Variants in USP32 observed in about 807,000 individuals in gnomAD.
USP32 encodes the protein ubiquitin carboxyl-terminal hydrolase 32.
USP32 carries 59 observed loss-of-function variants against 204.8 expected under a neutral mutation model. The observed-to-expected ratio is 0.29, with a 90% CI of 0.23 to 0.36. The LOEUF (loss-of-function observed/expected upper bound fraction) is 0.36. Ranked by LOEUF, USP32 falls within the 10% of genes least tolerant of loss-of-function variation. The pLI, the probability that USP32 is intolerant of heterozygous loss-of-function variation, is 1.00. For missense variants in USP32, 1,160 were observed against 1,946.4 expected (o/e 0.60, Z 7.60); for synonymous variants, 517 against 678.4 (o/e 0.76, Z 3.70).
chr17:60,286,136 CAAAAAAAAA>C (rs1170911336), intron 5 of USP32, among the ~76,000 whole-genome samples: 8 of 84,214 alleles, frequency 9.5e-5, no homozygotes, highest in Non-Finnish European at 2.3e-4. Flanking sequence ...ACAGTGTGTC[CAAAAAAAAA>C]AAAAAAAGGA....
At chr17:60,205,753 C>T in intron 25 of USP32, 95 bp from the exon 26 acceptor site, 1 of 1,108,198 alleles carries the variant, frequency 9.0e-7, no homozygotes, top group East Asian at 2.4e-5. Context: ...ACAGTGTAGT[C>T]TCTTAACACA....
intron 1 of USP32, among the ~76,000 whole-genome samples, chr17:60,402,246 CTTT>C (rs761342227): frequency 1.3e-4 from 15 of 118,436 alleles, no homozygotes; most frequent in Admixed American, 1.7e-4. Flanking sequence ...CCTCATTTAT[CTTT>C]TTTTTTTTTT....
intron 2 of USP32, among the ~76,000 whole-genome samples, chr17:60,319,200 G>A (rs9906483): frequency 0.13 from 19,404 of 152,130 alleles, 2,572 homozygotes; most frequent in African/African-American, 0.33. Context: ...AATGTAGTTA[G>A]TGTCTGTGAA....
chr17:60,272,663 T>TGA (rs1230176728), intron 5 of USP32, among the ~76,000 whole-genome samples: 1 of 152,188 alleles, frequency 6.6e-6, no homozygotes. Context: ...CGGTGAACCT[T>TGA]GAGAGAGAGG....
chr17:60,372,058 G>A (rs2089451902), intron 1 of USP32, among the ~76,000 whole-genome samples: 1 of 152,168 alleles, frequency 6.6e-6, no homozygotes, highest in Non-Finnish European at 1.5e-5. Context: ...AACAGGGAGA[G>A]GGGAAGGGGA....
At chr17:60,257,223 G>C (rs1300566418) in intron 9 of USP32, 2 of 157,926 alleles carry the variant, frequency 1.3e-5, no homozygotes, top group Non-Finnish European at 2.8e-5. Flanking sequence ...TATTAAAAAA[G>C]CCTTATAGGG....
rs767887101 is a variant in USP32, at chr17:60,205,637, G to A, written c.3059C>T (p.Thr1020Ile). 1 of 1,613,968 alleles carries A rather than the reference G, an allele frequency of 6.2e-7. No individual in the cohort carries two copies. Among genetic ancestry groups the A allele is most frequent in the Non-Finnish European group, 8.5e-7 (1 of 1,179,858 alleles). The change falls in exon 26 of 34, where the codon ACA becomes ATA. Residue 1020 changes from threonine to isoleucine, a missense_variant. This residue lies in a region of USP32 where 47 missense variants were observed against 71.1 expected (regional missense o/e 0.66). Coordinates refer to ENST00000300896, the MANE Select transcript of USP32 (RefSeq NM_032582.4). ...GGTAGTTAGGGTGAACATTTCATTT[G>A]TAGATGGCGAAGAGGAGAAATCTAC... The part of the protein sequence containing the change: ...TQTDFSSSPS[T>I]NEMFTLTTNG...
At chr17:60,235,112 T>C (rs2085687264) in intron 12 of USP32, among the ~76,000 whole-genome samples, 1 of 152,346 alleles carries the variant, frequency 6.6e-6, no homozygotes, top group African/African-American at 2.4e-5. Flanking sequence ...ATCTCTATTG[T>C]GTTCCTACGG....
At chr17:60,344,485 TGTCACCCAG>T (rs2088737501) in intron 2 of USP32, among the ~76,000 whole-genome samples, 1 of 152,184 alleles carries the variant, frequency 6.6e-6, no homozygotes, top group Non-Finnish European at 1.5e-5. Context: ...AGGGTCTCAC[TGTCACCCAG>T]GCTGGAGTGC....
intron 11 of USP32, among the ~76,000 whole-genome samples, chr17:60,242,904 A>G (rs1225798075): frequency 6.6e-6 from 1 of 152,222 alleles, no homozygotes; most frequent in African/African-American, 2.4e-5. Flanking sequence ...ATAGCTTGTC[A>G]ATTTATAGAA....
intron 5 of USP32, among the ~76,000 whole-genome samples, chr17:60,283,127 GACAA>G (rs755394434): frequency 6.6e-6 from 1 of 152,340 alleles, no homozygotes; most frequent in East Asian, 1.9e-4. Context: ...GGGCTTTGAT[GACAA>G]ACAATCATCT....
intron 9 of USP32, chr17:60,256,600 T>A (rs1429394549): frequency 1.2e-6 from 1 of 817,394 alleles, no homozygotes; most frequent in East Asian, 1.2e-4. Flanking sequence ...CTCCAGGTAC[T>A]CCGGTTTCCT....
At chr17:60,290,866 C>T (rs1419817173) in intron 4 of USP32, among the ~76,000 whole-genome samples, 1 of 152,036 alleles carries the variant, frequency 6.6e-6, no homozygotes, top group African/African-American at 2.4e-5. Flanking sequence ...TGATCGCTAG[C>T]GAAGATGTCT....
At chr17:60,293,488 C>T (rs1002775918) in intron 4 of USP32, among the ~76,000 whole-genome samples, 7 of 152,104 alleles carry the variant, frequency 4.6e-5, no homozygotes, top group Non-Finnish European at 2.9e-5. Context: ...CAGCAACTTC[C>T]AGTCAATATG....
chr17:60,292,555 T>C (rs967586065), intron 4 of USP32, among the ~76,000 whole-genome samples: 4 of 152,170 alleles, frequency 2.6e-5, no homozygotes, highest in Non-Finnish European at 4.4e-5. Context: ...TTCTGTCACA[T>C]AGTCCATAAT....
At chr17:60,256,562 A>G (rs1567807324) in intron 9 of USP32, 1 of 403,912 alleles carries the variant, frequency 2.5e-6, no homozygotes, top group Non-Finnish European at 3.4e-6. Context: ...TGGAGTTTGC[A>G]TATTCTTTCC....
At chr17:60,259,811 T>C (rs1283037751) in intron 9 of USP32, among the ~76,000 whole-genome samples, 24 of 152,324 alleles carry the variant, frequency 1.6e-4, no homozygotes, top group Admixed American at 1.6e-3. Context: ...AATAATTATC[T>C]TGTTTTTATC....
At chr17:60,282,266 T>A (rs1039312426) in intron 5 of USP32, among the ~76,000 whole-genome samples, 2 of 152,190 alleles carry the variant, frequency 1.3e-5, no homozygotes, top group African/African-American at 4.8e-5. Context: ...TAACCAAAAG[T>A]TTTAGAAGGA....
chr17:60,405,853 T>C (rs1180932681), intron 1 of USP32, among the ~76,000 whole-genome samples: 1 of 152,190 alleles, frequency 6.6e-6, no homozygotes, highest in Non-Finnish European at 1.5e-5. Flanking sequence ...AGAATTTTAT[T>C]CTTTCAAAGG....
Sources: allele counts gnomAD v4.1 joint callset (sites outside exome capture counted in the v4.1 genomes callset), GRCh38; gene constraint gnomAD v4.1.1; regional missense constraint gnomAD v4.1.1; transcripts MANE v1.5; gene names NCBI Gene and HGNC (gene_info 2026-07-23, HGNC 2026-07-21).